The following MTARC2 variants were observed in gnomAD, a reference collection of about 807,000 sequenced individuals.
The protein encoded by MTARC2 is MOCO sulphurase C-terminal domain containing 2.
Under a neutral mutation model 35.6 loss-of-function variants are expected in MTARC2, and 27 were observed. The ratio of observed to expected loss-of-function variants is 0.76; its 90% CI spans 0.56 to 1.04. The LOEUF (loss-of-function observed/expected upper bound fraction) is 1.04. Ranked by LOEUF, MTARC2 falls within the 50% of genes least tolerant of loss-of-function variation. MTARC2 has a pLI of 0.00. For missense variants in MTARC2, 412 were observed against 432.5 expected (o/e 0.95, Z 0.42); for synonymous variants, 158 against 167.1 (o/e 0.95, Z 0.42).
At chr1:220,767,234 C>G (rs1304146183) in intron 4 of MTARC2, among the ~76,000 whole-genome samples, 1 of 152,164 alleles carries the variant, frequency 6.6e-6, no homozygotes, top group East Asian at 1.9e-4. Flanking sequence ...AGGCCTAATG[C>G]ATTAATCTGT....
intron 1 of MTARC2, among the ~76,000 whole-genome samples, chr1:220,754,052 C>T (rs915237919): frequency 2.0e-5 from 3 of 152,022 alleles, no homozygotes; most frequent in Non-Finnish European, 2.9e-5. Flanking sequence ...CTGTCTCAAA[C>T]GAAATGAAAC....
At chr1:220,757,196 T>C (rs761766434) in intron 2 of MTARC2, among the ~76,000 whole-genome samples, 1 of 152,242 alleles carries the variant, frequency 6.6e-6, no homozygotes, top group African/African-American at 2.4e-5. Flanking sequence ...GCCACCGTGC[T>C]CAGCCTGAAG....
chr1:220,779,077 C>T (rs1389747), intron 4 of MTARC2, among the ~76,000 whole-genome samples: 2,474 of 152,158 alleles, frequency 0.016, 43 homozygotes, highest in East Asian at 0.056. Flanking sequence ...ATCTATCTTA[C>T]GTCAATTTAA....
chr1:220,755,142 A>G (rs1451190828), intron 2 of MTARC2, 22 bp downstream of exon 2: 2 of 1,580,108 alleles, frequency 1.3e-6, no homozygotes, highest in Admixed American at 3.6e-5. Flanking sequence ...GGGGGCATCC[A>G]CAGAACTGCA....
At chr1:220,759,714 A>G (rs758033059) in intron 2 of MTARC2, among the ~76,000 whole-genome samples, 7 of 152,158 alleles carry the variant, frequency 4.6e-5, no homozygotes, top group Non-Finnish European at 7.3e-5. Context: ...TTTTAGGGGA[A>G]AGGCAGAAGG....
intron 2 of MTARC2, among the ~76,000 whole-genome samples, chr1:220,759,742 G>T (rs1671390001): frequency 6.6e-6 from 1 of 152,166 alleles, no homozygotes; most frequent in South Asian, 2.1e-4. Flanking sequence ...AGGATCATGA[G>T]ATGTCTGTAG....
rs137931375 is a variant in MTARC2, at chr1:220,762,933, G to A, written c.633G>A (p.Pro211=). ...AGGTGGCCTACCCAGACTACTGCCCGCTCCTGATCATGACAGATGCCTCCC... is the reference window on the plus strand; with the variant it reads ...AGGTGGCCTACCCAGACTACTGCCCACTCCTGATCATGACAGATGCCTCCC... ...NFQVAYPDYC[P]LLIMTDASLV... The change falls in exon 4 of 8, where the codon CCG becomes CCA. Residue 211 remains proline (P), a synonymous_variant. Coordinates refer to ENST00000366913, the MANE Select transcript of MTARC2 (RefSeq NM_017898.5). 23 of 1,614,004 alleles carry A rather than the reference G, an allele frequency of 1.4e-5. No individual in the cohort carries two copies. The highest frequency in any genetic ancestry group is 9.9e-5 in the South Asian group (9 of 91,082).
At chr1:220,750,900 C>A (rs1019328334) in intron 1 of MTARC2, among the ~76,000 whole-genome samples, 5 of 152,200 alleles carry the variant, frequency 3.3e-5, no homozygotes, top group Non-Finnish European at 7.3e-5. Context: ...ATAAGGATTG[C>A]ACTGAGGATC....
intron 4 of MTARC2, among the ~76,000 whole-genome samples, chr1:220,767,453 A>G (rs1473440186): frequency 6.6e-6 from 1 of 152,214 alleles, no homozygotes; most frequent in Non-Finnish European, 1.5e-5. Flanking sequence ...AGTACTTTGT[A>G]CTTTGTCCGT....
chr1:220,769,352 A>G (rs888448099), intron 4 of MTARC2, among the ~76,000 whole-genome samples: 2 of 152,234 alleles, frequency 1.3e-5, no homozygotes, highest in Admixed American at 1.3e-4. Context: ...GGCCAGCGGA[A>G]GGCGGATTAA....
chr1:220,769,257 T>C (rs1342271678), intron 4 of MTARC2, among the ~76,000 whole-genome samples: 1 of 152,184 alleles, frequency 6.6e-6, no homozygotes, highest in African/African-American at 2.4e-5. Flanking sequence ...TTCTGCGAGG[T>C]TCCTTCCGCA....
chr1:220,768,087 T>C (rs1163157537), intron 4 of MTARC2, among the ~76,000 whole-genome samples: 2 of 152,226 alleles, frequency 1.3e-5, no homozygotes, highest in East Asian at 1.9e-4. Context: ...CTCACTGCTA[T>C]TGAACACTTA....
intron 4 of MTARC2, among the ~76,000 whole-genome samples, chr1:220,764,240 C>T (rs112249077): frequency 0.047 from 7,194 of 152,148 alleles, 273 homozygotes; most frequent in East Asian, 0.19. Flanking sequence ...ACTACAGGCA[C>T]ATGTCACCAC....
At chr1:220,768,124 C>T (rs1436018090) in intron 4 of MTARC2, among the ~76,000 whole-genome samples, 1 of 152,204 alleles carries the variant, frequency 6.6e-6, no homozygotes, top group Non-Finnish European at 1.5e-5. Context: ...GTGCCAAACC[C>T]TTTACATGCA....
chr1:220,749,865 C>G (rs891053324), intron 1 of MTARC2, among the ~76,000 whole-genome samples: 1 of 152,158 alleles, frequency 6.6e-6, no homozygotes, highest in Admixed American at 6.5e-5. Flanking sequence ...CCAGGACACG[C>G]GGATGCACTG....
rs536857352 is a variant in MTARC2 at position 220,776,701 on chromosome 1, C to T, written c.751-3317C>T. Among the ~76,000 whole-genome samples, 43 of 152,276 alleles carry T rather than the reference C, an allele frequency of 2.8e-4. No individual in the cohort carries two copies. The South Asian group carries it at 5.6e-3, about 20-fold the overall frequency. On this transcript the variant is annotated intron_variant, in intron 4 of 7. Transcript: ENST00000366913. ...GTTGTCTAACAGTGAGAATAGATGA[C>T]TAACTGAATTTGTCAGACTCCCTGC...
At chr1:220,753,771 C>A (rs970945737) in intron 1 of MTARC2, among the ~76,000 whole-genome samples, 7 of 152,202 alleles carry the variant, frequency 4.6e-5, no homozygotes, top group African/African-American at 1.7e-4. Flanking sequence ...TGATATTGGG[C>A]TAGGCACAGT....
At chr1:220,767,972 A>G (rs905016101) in intron 4 of MTARC2, among the ~76,000 whole-genome samples, 1 of 152,332 alleles carries the variant, frequency 6.6e-6, no homozygotes, top group South Asian at 2.1e-4. Context: ...TTGAGATAAC[A>G]AGTCCGTTTT....
chr1:220,762,943 A>G lies in MTARC2; in HGVS notation c.643A>G (p.Met215Val). The G allele has an allele frequency of 6.2e-7, 1 of 1,614,202 alleles. No homozygotes were observed. The highest frequency in any genetic ancestry group is 8.5e-7 in the Non-Finnish European group (1 of 1,180,038). ...AYPDYCPLLI[M>V]TDASLVDLNT... ...CCCAGACTACTGCCCGCTCCTGATC[A>G]TGACAGATGCCTCCCTGGTAGATTT... Residue 215 changes from methionine (M) to valine (V), a missense_variant, in exon 4 of 8, where the codon ATG (methionine) becomes GTG (valine). Transcript: ENST00000366913.
Sources: allele counts gnomAD v4.1 joint callset (sites outside exome capture counted in the v4.1 genomes callset), GRCh38; gene constraint gnomAD v4.1.1; transcripts MANE v1.5; gene names NCBI Gene and HGNC (gene_info 2026-07-23, HGNC 2026-07-21).